The following SMARCA2 variants were observed in gnomAD, a reference collection of about 807,000 sequenced individuals.
SMARCA2 encodes the protein SWI/SNF-related matrix-associated actin-dependent regulator of chromatin subfamily A member 2.
Under a neutral mutation model 199.8 loss-of-function variants are expected in SMARCA2, and 61 were observed. The observed-to-expected ratio is 0.31, with a 90% CI of 0.25 to 0.38. The LOEUF is 0.38. Ranked by LOEUF, SMARCA2 falls within the 10% of genes least tolerant of loss-of-function variation. SMARCA2 has a pLI of 1.00. For synonymous variants in SMARCA2, 935 were observed against 732.0 expected (o/e 1.28, Z -4.48); for missense variants, 1,344 against 2,012.2 (o/e 0.67, Z 6.35).
rs1823551802 is a variant in SMARCA2 at position 2,123,430 on chromosome 9, A to G, written c.3763-289A>G. Among the ~76,000 whole-genome samples, 4 of 152,224 alleles carry G rather than the reference A, an allele frequency of 2.6e-5. No homozygotes were observed. Among genetic ancestry groups the G allele is most frequent in the Admixed American group, 2.6e-4 (4 of 15,282 alleles). Reference sequence around the variant, plus strand: ...TTGAATTTTTCCACTATTACTTTAAAGAGGGAGCTTTGCATACACACAGAC... The same window carrying G: ...TTGAATTTTTCCACTATTACTTTAAGGAGGGAGCTTTGCATACACACAGAC... On this transcript the variant is annotated intron_variant, in intron 26 of 33. Transcript: ENST00000349721. The surrounding 1 kb of genome is among the most constrained non-coding windows in gnomAD (Gnocchi z 4.1).
In SMARCA2 at chr9:2,086,754, A is replaced by T; in HGVS notation, c.2527-75A>T. 8 of 1,557,370 alleles carry T rather than the reference A, an allele frequency of 5.1e-6. No individual in the cohort carries two copies. The highest frequency in any genetic ancestry group is 7.0e-6 in the Non-Finnish European group (8 of 1,141,378). On this transcript the variant is annotated intron_variant, in intron 17 of 33. Transcript: ENST00000349721. The surrounding 1 kb of genome is among the most constrained non-coding windows in gnomAD (Gnocchi z 4.3). ...AAGGATGGGTTCTTTGGTTTTCCGC[A>T]CCACCACTTGCTTGTTGGAAATAGT...
chr9:2,174,406 T>C (rs932328902), intron 29 of SMARCA2, among the ~76,000 whole-genome samples: 1 of 152,174 alleles, frequency 6.6e-6, no homozygotes, highest in Non-Finnish European at 1.5e-5. Context: ...CTCACTCCTT[T>C]AGAATCACAC....
rs1402718344 is a variant in SMARCA2, at chr9:2,056,952, GA to G, written c.1347+108del. On this transcript the variant is annotated intron_variant, in intron 7 of 33. Transcript: ENST00000349721. This position sits in a 1 kb window ranked among gnomAD's most constrained non-coding sequence, Gnocchi z 4.0. Reference sequence around the variant, plus strand: ...AAAATGGACCCTTGTGGGTGGTGGGGACATCACAGAACAGAACGGTTCCTTG... The same window carrying G: ...AAAATGGACCCTTGTGGGTGGTGGGGCATCACAGAACAGAACGGTTCCTTG... 2.1e-4 allele frequency: 199 copies of G among 944,528 alleles called. 2 individuals are homozygous for G. In the South Asian group the frequency reaches 3.1e-3, roughly 15 times the overall value. 58.5% of individuals were successfully genotyped at this position (944,528 alleles called of 1,614,324 possible). A position where few individuals can be genotyped will look rare whatever the true frequency, so the allele number is the denominator to read the frequency against.
At chr9:2,159,111 T>A in intron 27 of SMARCA2, 1 of 1,124,558 alleles carries the variant, frequency 8.9e-7, no homozygotes, top group Non-Finnish European at 1.3e-6. Flanking sequence ...TCTTAGCTAC[T>A]CACAGATTTA....
chr9:2,146,934 G>A (rs2130705573), intron 27 of SMARCA2, among the ~76,000 whole-genome samples: 2 of 152,180 alleles, frequency 1.3e-5, no homozygotes, highest in African/African-American at 4.8e-5. Flanking sequence ...ATCTTGTGCT[G>A]ACCTCCCATC....
chr9:2,130,921 G>C (rs1476517636), intron 27 of SMARCA2, among the ~76,000 whole-genome samples: 1 of 152,186 alleles, frequency 6.6e-6, no homozygotes, highest in Non-Finnish European at 1.5e-5. Flanking sequence ...AGCACCGTAA[G>C]GCAGTCATCA....
chr9:2,069,811 G>A (rs534640535), intron 9 of SMARCA2, among the ~76,000 whole-genome samples: 2 of 152,208 alleles, frequency 1.3e-5, no homozygotes, highest in South Asian at 2.1e-4. Flanking sequence ...AGATTCAGGG[G>A]ATACATGTGC....
chr9:2,159,571 A>C, intron 27 of SMARCA2: 1 of 398,482 alleles, frequency 2.5e-6, no homozygotes, highest in Non-Finnish European at 4.5e-6. Context: ...AGCAAGACTC[A>C]GAAACCATCT....
intron 4 of SMARCA2, chr9:2,042,199 A>G (rs182535466): frequency 6.6e-6 from 1 of 152,192 alleles, no homozygotes; most frequent in African/African-American, 2.4e-5. Context: ...TTTATATCCC[A>G]TGTCTCAGTA....
chr9:2,179,012 G>A (rs906643001), intron 29 of SMARCA2, among the ~76,000 whole-genome samples: 2 of 152,198 alleles, frequency 1.3e-5, no homozygotes, highest in Non-Finnish European at 2.9e-5. Context: ...ATATTTAGGA[G>A]AATTTCCTCC....
At chr9:2,182,344 G>A in intron 31 of SMARCA2, 102 bp downstream of exon 31, 4 of 723,134 alleles carry the variant, frequency 5.5e-6, no homozygotes, top group Non-Finnish European at 9.4e-6. Flanking sequence ...CATTGCTACT[G>A]GCAGAAGAAA....
chr9:2,142,972 G>T (rs1470368408), intron 27 of SMARCA2, among the ~76,000 whole-genome samples: 3 of 150,704 alleles, frequency 2.0e-5, no homozygotes, highest in African/African-American at 2.5e-5. Context: ...TGATTAAAAT[G>T]ATTTTTTTTA....
rs764795426 is a variant in SMARCA2, at chr9:2,084,066, A to AT, written c.2416-13dup. 36 of 1,387,842 alleles carry AT rather than the reference A, an allele frequency of 2.6e-5. No homozygotes were observed. Among genetic ancestry groups the AT allele is most frequent in the Non-Finnish European group, 3.4e-5 (33 of 975,892 alleles). 86.0% of individuals were successfully genotyped at this position (1,387,842 alleles called of 1,614,324 possible). A position where few individuals can be genotyped will look rare whatever the true frequency, so the allele number is the denominator to read the frequency against. ...TATATGTCCATAGGATCATGCATGT[A>AT]TTTTTTTCTTTCCATTCAGGGTACT... On this transcript the variant is annotated intron_variant, in intron 16 of 33. Coordinates refer to ENST00000349721, the MANE Select transcript of SMARCA2 (RefSeq NM_003070.5).
intron 6 of SMARCA2, 105 bp downstream of exon 6, chr9:2,054,828 A>G (rs749932495): frequency 1.4e-5 from 16 of 1,157,734 alleles, no homozygotes; most frequent in Non-Finnish European, 1.8e-5. Flanking sequence ...TTACAAAGAT[A>G]TAAAGATATA....
rs140775877 is a variant in SMARCA2 at position 2,134,434 on chromosome 9, C to T, written c.3981+10497C>T. Among the ~76,000 whole-genome samples the T allele has an allele frequency of 1.2e-3, 187 of 152,314 alleles. 1 individual carries two copies. The highest frequency in any genetic ancestry group is 0.01 in the East Asian group (54 of 5,180). ...GGTTTTCTCCCTAGCTGTACACCAA[C>T]CTATACTCACTTGGTTATTAACTCT... On this transcript the variant is annotated intron_variant, in intron 27 of 33. Coordinates refer to ENST00000349721, the MANE Select transcript of SMARCA2 (RefSeq NM_003070.5).
At chr9:2,033,269 A>G (rs938067208) in intron 3 of SMARCA2, 188 bp downstream of exon 3, 8 of 566,746 alleles carry the variant, frequency 1.4e-5, no homozygotes, top group Non-Finnish European at 2.4e-5. Flanking sequence ...GGGAAATTTT[A>G]TTTCCGAAGT....
chr9:2,156,899 C>T (rs907957835), intron 27 of SMARCA2, among the ~76,000 whole-genome samples: 12 of 152,206 alleles, frequency 7.9e-5, no homozygotes, highest in Non-Finnish European at 1.6e-4. Flanking sequence ...CTGGTAACCA[C>T]TGTTCTCTTT....
chr9:2,174,168 G>C (rs1237175756), intron 29 of SMARCA2, among the ~76,000 whole-genome samples: 2 of 152,068 alleles, frequency 1.3e-5, no homozygotes, highest in African/African-American at 2.4e-5. Context: ...CCTCTTTCGA[G>C]GGTCTCTGCC....
chr9:2,020,316 G>A (rs1818544630), intron 1 of SMARCA2, among the ~76,000 whole-genome samples: 1 of 151,950 alleles, frequency 6.6e-6, no homozygotes, highest in Non-Finnish European at 1.5e-5. Flanking sequence ...TAGAGGATGT[G>A]AATTTTCTGT....
Sources: gnomAD v4.1 joint callset for allele counts (sites outside exome capture counted in the v4.1 genomes callset) on GRCh38, gnomAD v4.1.1 for gene constraint, Gnocchi (gnomAD v3.1) non-coding constraint, MANE v1.5 for transcripts, NCBI Gene and HGNC (gene_info 2026-07-23, HGNC 2026-07-21) for gene names.